Variants in LRRC4C observed in about 807,000 individuals in gnomAD.
The protein encoded by LRRC4C is leucine-rich repeat-containing protein 4C.
Under a neutral mutation model 33.6 loss-of-function variants are expected in LRRC4C, and 5 were observed. The ratio of observed to expected loss-of-function variants is 0.15; its 90% confidence interval spans 0.08 to 0.31. The LOEUF (loss-of-function observed/expected upper bound fraction) is 0.31, where lower values mean the gene tolerates loss of function less well. LRRC4C is among the 10% of genes least tolerant of loss of function. LRRC4C has a pLI of 1.00. For missense variants in LRRC4C, 560 were observed against 796.7 expected, an observed-to-expected ratio of 0.70 and a Z score of 3.58; for synonymous variants, 329 against 302.0, an observed-to-expected ratio of 1.09 and a Z score of -0.93.
intron 3 of LRRC4C, among the ~76,000 whole-genome samples, chr11:40,377,543 A>G (rs1948709020): frequency 6.6e-6 from 1 of 152,064 alleles, no homozygotes; most frequent in Non-Finnish European, 1.5e-5. Context: ...GAAGGTGGAA[A>G]ATGAGGAATA....
chr11:41,079,036 G>T (rs1939365756), intron 1 of LRRC4C, among the ~76,000 whole-genome samples: 1 of 152,170 alleles, frequency 6.6e-6, no homozygotes, highest in Non-Finnish European at 1.5e-5. Context: ...GGGCTAATTT[G>T]TCTCTTATTC....
chr11:40,435,372 TAGAC>T (rs1298498426), intron 3 of LRRC4C, among the ~76,000 whole-genome samples: 1 of 152,198 alleles, frequency 6.6e-6, no homozygotes, highest in Non-Finnish European at 1.5e-5. Context: ...GCTTCACAAA[TAGAC>T]AGGTAAAACT....
intron 1 of LRRC4C, among the ~76,000 whole-genome samples, chr11:41,276,610 C>A (rs889836884): frequency 6.6e-6 from 1 of 152,120 alleles, no homozygotes; most frequent in South Asian, 2.1e-4. Flanking sequence ...AATAACACCC[C>A]TTTCTTCCAA....
chr11:40,800,989 T>A (rs1375943609), intron 2 of LRRC4C, among the ~76,000 whole-genome samples: 1 of 152,136 alleles, frequency 6.6e-6, no homozygotes, highest in Non-Finnish European at 1.5e-5. Context: ...CCCCATTGTC[T>A]TTCCTTCAAC....
intron 5 of LRRC4C, among the ~76,000 whole-genome samples, chr11:40,222,351 C>A (rs1002671878): frequency 2.0e-5 from 3 of 152,108 alleles, no homozygotes; most frequent in Non-Finnish European, 4.4e-5. Flanking sequence ...ACTCATAATG[C>A]CCTGGCACAT....
intron 1 of LRRC4C, among the ~76,000 whole-genome samples, chr11:41,048,478 T>C (rs1444415870): frequency 1.3e-5 from 2 of 152,016 alleles, no homozygotes; most frequent in East Asian, 3.9e-4. Context: ...TTGGCCAAGA[T>C]AGTCTTGATC....
intron 5 of LRRC4C, among the ~76,000 whole-genome samples, chr11:40,163,578 T>A (rs575796940): frequency 6.6e-6 from 1 of 152,340 alleles, no homozygotes; most frequent in South Asian, 2.1e-4. Flanking sequence ...GTATATATTC[T>A]GAATTGCAAT....
intron 1 of LRRC4C, among the ~76,000 whole-genome samples, chr11:41,080,935 C>T (rs946122706): frequency 1.3e-5 from 2 of 151,970 alleles, no homozygotes; most frequent in African/African-American, 4.8e-5. Flanking sequence ...ATTGTTTTAC[C>T]CTAATAATTC....
intron 1 of LRRC4C, among the ~76,000 whole-genome samples, chr11:41,249,604 T>A (rs1246216931): frequency 6.6e-6 from 1 of 152,104 alleles, no homozygotes; most frequent in Non-Finnish European, 1.5e-5. Context: ...CACACCAAGC[T>A]CCTTACTGTT....
At chr11:41,145,966 T>G (rs879648505) in intron 1 of LRRC4C, among the ~76,000 whole-genome samples, 25 of 152,326 alleles carry the variant, frequency 1.6e-4, no homozygotes, top group Non-Finnish European at 3.5e-4. Flanking sequence ...TCTAAATATA[T>G]ACTTTCATAA....
chr11:40,476,444 C>G, intron 3 of LRRC4C, among the ~76,000 whole-genome samples: 1 of 143,492 alleles, frequency 7.0e-6, no homozygotes. Flanking sequence ...CTCCTGGGTT[C>G]AAGTGATTCT....
rs191027758 is a variant in LRRC4C, at chr11:41,234,756, G to C, written c.-496+224675C>G. On this transcript the variant is annotated intron_variant, in intron 1 of 6. Transcript: ENST00000528697. ...AATTATTTCTCCAAAAACTCAGTGA[G>C]GGAAGGACTATGGGTAGCTGCATTT... Among the ~76,000 whole-genome samples, 11 of 152,110 alleles carry C rather than the reference G, an allele frequency of 7.2e-5. No individual in the cohort carries two copies. The East Asian group carries it at 1.7e-3, about 24-fold the overall frequency.
intron 3 of LRRC4C, among the ~76,000 whole-genome samples, chr11:40,357,737 C>T (rs1055358501): frequency 1.3e-5 from 2 of 152,096 alleles, no homozygotes; most frequent in African/African-American, 4.8e-5. Flanking sequence ...ATCCACACAG[C>T]AAGCCTGCCC....
At chr11:40,952,717 T>C (rs983942202) in intron 1 of LRRC4C, among the ~76,000 whole-genome samples, 24 of 151,948 alleles carry the variant, frequency 1.6e-4, no homozygotes, top group African/African-American at 5.3e-4. Context: ...TCTTGAATGC[T>C]GTTGCAGCTC....
intron 3 of LRRC4C, among the ~76,000 whole-genome samples, chr11:40,537,381 C>T (rs1013433558): frequency 6.6e-6 from 1 of 152,108 alleles, no homozygotes; most frequent in African/African-American, 2.4e-5. Context: ...TATTCTTGTC[C>T]AGAAAGCTGT....
chr11:40,200,095 C>T (rs1435654136), intron 5 of LRRC4C, among the ~76,000 whole-genome samples: 2 of 148,092 alleles, frequency 1.4e-5, no homozygotes, highest in East Asian at 2.0e-4. Flanking sequence ...GTAATCCCAG[C>T]GCTTTGGGAG....
At chr11:40,837,695 A>ATT (rs1952733612) in intron 2 of LRRC4C, among the ~76,000 whole-genome samples, 4 of 150,192 alleles carry the variant, frequency 2.7e-5, no homozygotes, top group Non-Finnish European at 4.4e-5. Context: ...AAAAAAAAAA[A>ATT]AATTAATTAG....
At chr11:40,232,463 G>C (rs962216845) in intron 5 of LRRC4C, among the ~76,000 whole-genome samples, 1 of 152,184 alleles carries the variant, frequency 6.6e-6, no homozygotes, top group Non-Finnish European at 1.5e-5. Flanking sequence ...TAAATTAAGA[G>C]ACCTCAACTC....
At chr11:40,437,427 T>C (rs907375328) in intron 3 of LRRC4C, among the ~76,000 whole-genome samples, 1 of 151,748 alleles carries the variant, frequency 6.6e-6, no homozygotes, top group African/African-American at 2.4e-5. Context: ...GGAGTCTTGC[T>C]CTGTCACCCA....
Sources: allele counts gnomAD v4.1 joint callset (sites outside exome capture counted in the v4.1 genomes callset), GRCh38; gene constraint gnomAD v4.1.1; transcripts MANE v1.5; gene names NCBI Gene and HGNC (gene_info 2026-07-23, HGNC 2026-07-21).